Variants in ZC3H3 observed in about 807,000 individuals in gnomAD.
ZC3H3 encodes the protein zinc finger CCCH domain-containing protein 3.
In ZC3H3, 36 loss-of-function variants were observed where a neutral mutation model predicts 77.3. The observed-to-expected ratio is 0.47, with a 90% CI of 0.36 to 0.61. The LOEUF (loss-of-function observed/expected upper bound fraction) is 0.61, where lower values mean the gene tolerates loss of function less well. Among genes scored for constraint, ZC3H3 ranks in the 20% least tolerant of loss-of-function variants. The pLI, the probability that ZC3H3 is intolerant of heterozygous loss-of-function variation, is 0.00. For missense variants in ZC3H3, 1,331 were observed against 1,312.2 expected, an observed-to-expected ratio of 1.01 and a Z score of -0.22; for synonymous variants, 626 against 555.2, an observed-to-expected ratio of 1.13 and a Z score of -1.79.
In ZC3H3 at chr8:143,440,100, G is replaced by C; in HGVS notation, c.2756C>G (p.Pro919Arg). The stretch of plus-strand genomic sequence containing the variant: ...GACCCTGGGCTGGGCTCCTGGGCTC[G>C]GCGAGGACTGCAGGGAGATGAAGGA... ...LPSFISLQSSPSPGAQPRVRA... is the reference protein window; with the variant it reads ...LPSFISLQSSRSPGAQPRVRA... Residue 919 changes from proline (P) to arginine (R), a missense_variant, in exon 11 of 12, where the codon CCG (proline) becomes CGG (arginine). Physicochemically the swap from Pro to Arg is moderately radical, Grantham distance 103. Around this residue, in one of 3 missense-constraint regions of ZC3H3, gnomAD observed 249 missense variants for 236.9 expected, o/e 1.05. Transcript: ENST00000262577. 2 of 1,607,090 alleles carry C rather than the reference G, an allele frequency of 1.2e-6. No individual in the cohort carries two copies. The highest frequency in any genetic ancestry group is 1.7e-6 in the Non-Finnish European group (2 of 1,178,020).
chr8:143,497,227 C>G (rs963782359), intron 4 of ZC3H3, among the ~76,000 whole-genome samples: 1 of 152,200 alleles, frequency 6.6e-6, no homozygotes, highest in African/African-American at 2.4e-5. Flanking sequence ...CCAGGAGCCA[C>G]ACAACTATTC....
intron 4 of ZC3H3, among the ~76,000 whole-genome samples, chr8:143,500,470 G>A (rs943339539): frequency 9.9e-5 from 15 of 152,260 alleles, no homozygotes; most frequent in Non-Finnish European, 1.6e-4. Flanking sequence ...CGGGCAGGGC[G>A]TCTCTGGCTC....
At chr8:143,481,003 T>C (rs950660247) in intron 4 of ZC3H3, among the ~76,000 whole-genome samples, 7 of 152,312 alleles carry the variant, frequency 4.6e-5, no homozygotes, top group African/African-American at 1.7e-4. Context: ...AGGCAGCTTT[T>C]AAGCCCAAAA....
chr8:143,521,357 C>T (rs1481456826), intron 3 of ZC3H3, among the ~76,000 whole-genome samples: 1 of 139,856 alleles, frequency 7.2e-6, no homozygotes, highest in Non-Finnish European at 1.6e-5. Flanking sequence ...CCCACTGGTA[C>T]CCCCTCCCAG....
At chr8:143,514,404 C>G (rs1197428676) in intron 3 of ZC3H3, among the ~76,000 whole-genome samples, 3 of 152,190 alleles carry the variant, frequency 2.0e-5, no homozygotes, top group Non-Finnish European at 4.4e-5. Context: ...GAGCCATTGG[C>G]CCACCCAGGG....
At chr8:143,486,351 C>G (rs1821052617) in intron 4 of ZC3H3, among the ~76,000 whole-genome samples, 1 of 152,234 alleles carries the variant, frequency 6.6e-6, no homozygotes. Context: ...GCTGGGGCCG[C>G]ACCGAGGCTC....
At chr8:143,531,383 C>T (rs894334192) in intron 3 of ZC3H3, among the ~76,000 whole-genome samples, 12 of 152,196 alleles carry the variant, frequency 7.9e-5, no homozygotes, top group Non-Finnish European at 1.3e-4. Context: ...TCCCCTGCCC[C>T]GCCCCCAGCC....
At chr8:143,454,450 G>A (rs1057477496) in intron 9 of ZC3H3, among the ~76,000 whole-genome samples, 13 of 150,648 alleles carry the variant, frequency 8.6e-5, no homozygotes, top group Admixed American at 2.7e-4. Context: ...ACCCAGGCTG[G>A]AGTGCAGTGG....
chr8:143,504,064 T>A (rs1199022154), intron 4 of ZC3H3, among the ~76,000 whole-genome samples: 1 of 150,694 alleles, frequency 6.6e-6, no homozygotes, highest in East Asian at 1.9e-4. Flanking sequence ...CTCACTTGCC[T>A]ACCCTCCTTC....
intron 1 of ZC3H3, among the ~76,000 whole-genome samples, chr8:143,539,768 GA>G (rs1175320031): frequency 6.6e-6 from 1 of 152,208 alleles, no homozygotes; most frequent in Non-Finnish European, 1.5e-5. Context: ...GAGTGTAACA[GA>G]ACTGACACTC....
intron 3 of ZC3H3, 25 bp from the exon 4 acceptor site, chr8:143,507,924 A>G (rs1367416817): frequency 1.3e-6 from 2 of 1,560,642 alleles, no homozygotes; most frequent in South Asian, 1.2e-5. Flanking sequence ...CAGGGCACAG[A>G]CATGGGTCAG....
intron 4 of ZC3H3, among the ~76,000 whole-genome samples, chr8:143,483,112 G>A (rs1044062716): frequency 1.2e-4 from 18 of 152,246 alleles, no homozygotes; most frequent in East Asian, 3.8e-4. Context: ...GAGCCCGAGC[G>A]GGGAGTGCGA....
chr8:143,476,400 A>T (rs963264864), intron 4 of ZC3H3, among the ~76,000 whole-genome samples: 9 of 152,156 alleles, frequency 5.9e-5, no homozygotes, highest in African/African-American at 2.2e-4. Flanking sequence ...ACCTAGGCCG[A>T]CAGACCCTGA....
Position 143,517,181 on chromosome 8 carries a change from G to A in ZC3H3, c.1562-9282C>T, listed in dbSNP as rs189671249. On this transcript the variant is annotated intron_variant, in intron 3 of 11. Transcript: ENST00000262577. ...GTGCGCGAGCCATCGATCGCACGCC[G>A]ACACCTGACCCGTCTGTATGAAATG... Among the ~76,000 whole-genome samples the A allele has an allele frequency of 1.7e-3, 263 of 152,292 alleles. 8 individuals are homozygous for A. Among genetic ancestry groups the A allele is most frequent in the Admixed American group, 0.013 (202 of 15,296 alleles).
chr8:143,510,375 GCC>G (rs1563869308), intron 3 of ZC3H3, among the ~76,000 whole-genome samples: 1 of 152,236 alleles, frequency 6.6e-6, no homozygotes, highest in Non-Finnish European at 1.5e-5. Context: ...CCACGGCCTG[GCC>G]CTGCAGACCA....
intron 3 of ZC3H3, among the ~76,000 whole-genome samples, chr8:143,513,637 C>T (rs916441562): frequency 8.5e-5 from 13 of 152,212 alleles, no homozygotes; most frequent in Admixed American, 2.6e-4. Flanking sequence ...CGCAGACCCC[C>T]GGGCCTGCTT....
In ZC3H3 at chr8:143,494,416, G is replaced by A. The variant is rs186124374; in HGVS notation, c.1715+13330C>T. Among the ~76,000 whole-genome samples the A allele has an allele frequency of 2.0e-3, 306 of 152,350 alleles. No individual in the cohort carries two copies. The highest frequency in any genetic ancestry group is 0.01 in the Middle Eastern group (3 of 292). ...GTGGGAAAAGCACAAATGCCTGCCAGCGTGGAGGATGGGGCTCCGGCAGAT... is the reference window on the plus strand; with the variant it reads ...GTGGGAAAAGCACAAATGCCTGCCAACGTGGAGGATGGGGCTCCGGCAGAT... On this transcript the variant is annotated intron_variant, in intron 4 of 11. Coordinates refer to ENST00000262577, the MANE Select transcript of ZC3H3 (RefSeq NM_015117.3). The surrounding 1 kb of genome is among the most constrained non-coding windows in gnomAD (Gnocchi z 5.3).
chr8:143,441,007 T>G lies in ZC3H3; in HGVS notation c.2421A>C (p.Ala807=). 2 of 1,472,760 alleles carry G rather than the reference T, an allele frequency of 1.4e-6. No homozygotes were observed. Among genetic ancestry groups the G allele is most frequent in the Non-Finnish European group, 1.8e-6 (2 of 1,119,264 alleles). 91.2% of individuals were successfully genotyped at this position (1,472,760 alleles called of 1,614,324 possible). Residue 807 remains alanine, a synonymous_variant, in exon 10 of 12, where the codon GCA becomes GCC. Coordinates refer to ENST00000262577, the MANE Select transcript of ZC3H3 (RefSeq NM_015117.3). ...TGGGCCCTGGGGCGGGGGACGTGGC[T>G]GCCCGCCGACTGTGGCGTTTCTGGG... ...HRTQKRHSRR[A]ATSPAPGPSD... is the part of the protein sequence containing the mutation.
intron 3 of ZC3H3, among the ~76,000 whole-genome samples, chr8:143,518,805 G>T (rs577895383): frequency 3.3e-5 from 5 of 152,254 alleles, no homozygotes; most frequent in African/African-American, 9.6e-5. Flanking sequence ...GGGACCCTGA[G>T]AAGGCAGCAA....
Sources: allele counts gnomAD v4.1 joint callset (sites outside exome capture counted in the v4.1 genomes callset), GRCh38; gene constraint gnomAD v4.1.1; regional missense constraint gnomAD v4.1.1; non-coding constraint Gnocchi (gnomAD v3.1); transcripts MANE v1.5; gene names NCBI Gene and HGNC (gene_info 2026-07-23, HGNC 2026-07-21).